CBX5: variants seen among roughly 807,000 people sequenced by gnomAD.
The protein encoded by CBX5 is chromobox protein homolog 5.
CBX5 carries 7 observed loss-of-function variants against 20.7 expected under a neutral mutation model. The ratio of observed to expected loss-of-function variants is 0.34; its 90% CI spans 0.19 to 0.63. The LOEUF is 0.63. CBX5 is among the 30% of genes least tolerant of loss of function. The pLI is 0.75. For missense variants in CBX5, 110 were observed against 224.1 expected (o/e 0.49, Z 3.25); for synonymous variants, 78 against 77.0 (o/e 1.01, Z -0.07).
chr12:54,257,744 T>G (rs564722867), intron 1 of CBX5, 52 bp from the exon 2 acceptor site: 2 of 1,443,044 alleles, frequency 1.4e-6, no homozygotes, highest in South Asian at 1.2e-5. Flanking sequence ...AGTTAAAAAC[T>G]TTGTCTTTTC....
rs1297466311 is a variant in CBX5 at position 54,241,090 on chromosome 12, A to G, written c.*665T>C. The G allele has an allele frequency of 6.6e-6, 1 of 152,186 alleles. No homozygotes were observed. The highest frequency in any genetic ancestry group is 2.1e-4 in the South Asian group (1 of 4,830). 9.4% of individuals were successfully genotyped at this position (152,186 alleles called of 1,614,324 possible). Reference sequence around the variant, plus strand: ...GCAATACCGAAAGTCCTGGGGCTAAAAAGAGTGTCTTGACAGATTTCAGTG... The same window carrying G: ...GCAATACCGAAAGTCCTGGGGCTAAGAAGAGTGTCTTGACAGATTTCAGTG... On this transcript the variant is annotated 3_prime_UTR_variant, in exon 5 of 5. Coordinates refer to ENST00000209875, the MANE Select transcript of CBX5 (RefSeq NM_012117.3).
chr12:54,250,060 TA>T (rs1442344165), intron 3 of CBX5, among the ~76,000 whole-genome samples: 2 of 151,720 alleles, frequency 1.3e-5, no homozygotes, highest in African/African-American at 4.8e-5. Flanking sequence ...CCCTCTCTAC[TA>T]AAAATACAAA....
intron 1 of CBX5, among the ~76,000 whole-genome samples, chr12:54,261,062 T>C (rs1480946364): frequency 6.6e-6 from 1 of 151,588 alleles, no homozygotes. Context: ...ATAGTAGCAC[T>C]TGCCTGTAAT....
At chr12:54,244,431 C>G (rs973015980) in intron 4 of CBX5, among the ~76,000 whole-genome samples, 5 of 152,022 alleles carry the variant, frequency 3.3e-5, no homozygotes, top group Admixed American at 2.6e-4. Context: ...ACATAAATCA[C>G]TCTGTCTTTA....
chr12:54,257,504 A>C lies in CBX5; in HGVS notation c.137+10T>G. ...AGAGTCCCAACGCCTGGGGGAAAAA[A>C]GGAACTTACTCAGAAAAGCCTTTCC... On this transcript the variant is annotated intron_variant, in intron 2 of 4. Transcript: ENST00000209875. 2 of 1,614,020 alleles carry C rather than the reference A, an allele frequency of 1.2e-6. No homozygotes were observed. Among genetic ancestry groups the C allele is most frequent in the Non-Finnish European group, 1.7e-6 (2 of 1,179,960 alleles).
intron 1 of CBX5, among the ~76,000 whole-genome samples, 178 bp downstream of exon 1, chr12:54,279,830 C>A (rs12813593): frequency 3.3e-5 from 5 of 152,206 alleles, no homozygotes; most frequent in Admixed American, 6.5e-5. Flanking sequence ...CTGCACAGCT[C>A]CAAAGAACCT....
chr12:54,243,675 C>G, intron 4 of CBX5, among the ~76,000 whole-genome samples: 1 of 152,136 alleles, frequency 6.6e-6, no homozygotes, highest in East Asian at 1.9e-4. Flanking sequence ...TCGAGACCAG[C>G]CTGGCCAACA....
At chr12:54,266,896 G>C (rs973479642) in intron 1 of CBX5, among the ~76,000 whole-genome samples, 1 of 152,068 alleles carries the variant, frequency 6.6e-6, no homozygotes, top group Admixed American at 6.5e-5. Context: ...TTAAAAAAAA[G>C]TATCAGTTTT....
chr12:54,268,303 T>C (rs1179825524), intron 1 of CBX5, among the ~76,000 whole-genome samples: 3 of 152,282 alleles, frequency 2.0e-5, no homozygotes, highest in African/African-American at 7.2e-5. Flanking sequence ...TTATCGAACC[T>C]TGCAGGTCTT....
intron 4 of CBX5, among the ~76,000 whole-genome samples, chr12:54,244,994 T>G (rs897602706): frequency 6.6e-6 from 1 of 151,144 alleles, no homozygotes; most frequent in African/African-American, 2.4e-5. Flanking sequence ...AAGTCATGTT[T>G]TATATATATA....
Position 54,241,208 on chromosome 12 carries a change from C to G in CBX5, c.*547G>C, listed in dbSNP as rs962714947. 3.3e-5 allele frequency: 5 copies of G among 152,164 alleles called. No homozygotes were observed. The highest frequency in any genetic ancestry group is 5.9e-5 in the Non-Finnish European group (4 of 68,082). The allele number at this position is 152,164 out of a possible 1,614,324, so 9.4% of individuals were successfully genotyped here. ...TGGCCCAGAAGACCACACCAGAAAC[C>G]CTGTATTCTCCTGGGTAGAGCTGAA... On this transcript the variant is annotated 3_prime_UTR_variant, in exon 5 of 5. Transcript: ENST00000209875.
At chr12:54,277,083 G>C (rs1944076950) in intron 1 of CBX5, 1 of 152,028 alleles carries the variant, frequency 6.6e-6, no homozygotes, top group African/African-American at 2.4e-5. Context: ...CCCAGACTGG[G>C]GTGCAGTGGC....
At chr12:54,264,668 C>A (rs767067736) in intron 1 of CBX5, among the ~76,000 whole-genome samples, 2 of 152,014 alleles carry the variant, frequency 1.3e-5, no homozygotes, top group African/African-American at 4.8e-5. Context: ...CATGGCGAAA[C>A]CCCATCTCTA....
intron 3 of CBX5, among the ~76,000 whole-genome samples, chr12:54,250,887 T>G (rs1260291738): frequency 6.9e-6 from 1 of 144,726 alleles, no homozygotes; most frequent in Non-Finnish European, 1.5e-5. Context: ...ATCCCAACAC[T>G]TTGGGAGGCC....
In CBX5 at chr12:54,237,557, C is replaced by T. The variant is rs1336506077; in HGVS notation, c.*4198G>A. ...ATACCAACAATGTCCCCAAACCAAA[C>T]TTAACAAAGCTAATGACTGCTTCTC... On this transcript the variant is annotated 3_prime_UTR_variant, in exon 5 of 5. Coordinates refer to ENST00000209875, the MANE Select transcript of CBX5 (RefSeq NM_012117.3). 6.5e-6 allele frequency: 1 copy of T among 152,814 alleles called. No individual in the cohort carries two copies. The highest frequency in any genetic ancestry group is 2.4e-5 in the African/African-American group (1 of 41,444). The allele number at this position is 152,814 out of a possible 1,614,324, so 9.5% of individuals were successfully genotyped here.
In CBX5 at chr12:54,231,640, G is replaced by A. The variant is rs1202407533; in HGVS notation, c.*10115C>T. 1.3e-5 allele frequency: 2 copies of A among 152,392 alleles called. No homozygotes were observed. The highest frequency in any genetic ancestry group is 2.9e-5 in the Non-Finnish European group (2 of 68,052). 9.4% of individuals were successfully genotyped at this position (152,392 alleles called of 1,614,324 possible). A position where few individuals can be genotyped will look rare whatever the true frequency, so the allele number is the denominator to read the frequency against. On this transcript the variant is annotated 3_prime_UTR_variant, in exon 5 of 5. Coordinates refer to ENST00000209875, the MANE Select transcript of CBX5 (RefSeq NM_012117.3). ...GAGATGGAAAGAGTAAGGCTCTTGA[G>A]CCCACACCTGGCCAAGTAGAAATAG...
intron 1 of CBX5, among the ~76,000 whole-genome samples, chr12:54,264,717 C>T (rs1221341481): frequency 6.6e-6 from 1 of 152,018 alleles, no homozygotes; most frequent in African/African-American, 2.4e-5. Context: ...GTGGCAGGTG[C>T]CTGTAATCCC....
At chr12:54,276,860 C>T (rs1023641198) in intron 1 of CBX5, 1 of 151,998 alleles carries the variant, frequency 6.6e-6, no homozygotes, top group East Asian at 1.9e-4. Flanking sequence ...AGTTTTGAGA[C>T]GTGGATCCAA....
At chr12:54,264,210 T>C (rs2137026360) in intron 1 of CBX5, among the ~76,000 whole-genome samples, 1 of 152,334 alleles carries the variant, frequency 6.6e-6, no homozygotes. Context: ...CAGGCTGCAG[T>C]GCAGTGGTGC....
Sources: gnomAD v4.1 joint callset for allele counts (sites outside exome capture counted in the v4.1 genomes callset) on GRCh38, gnomAD v4.1.1 for gene constraint, MANE v1.5 for transcripts, NCBI Gene and HGNC (gene_info 2026-07-23, HGNC 2026-07-21) for gene names.